The following HIVEP3 variants were observed in gnomAD, a reference collection of about 807,000 sequenced individuals.
HIVEP3 encodes transcription factor HIVEP3.
A neutral mutation model predicts 152.8 loss-of-function variants in HIVEP3; 49 were observed. That is an observed-to-expected ratio of 0.32 (90% confidence interval 0.26 to 0.41). The LOEUF (loss-of-function observed/expected upper bound fraction) is 0.41, where lower values mean the gene tolerates loss of function less well. Among genes scored for constraint, HIVEP3 ranks in the 10% least tolerant of loss-of-function variants. The probability of loss-of-function intolerance (pLI) is 1.00; values close to 1 mark genes in which losing one functional copy is unlikely to be tolerated. For synonymous variants in HIVEP3, 1,269 were observed against 1,289.0 expected (o/e 0.98, Z 0.33); for missense variants, 2,790 against 3,103.3 (o/e 0.90, Z 2.40).
rs1197815169 is a variant in HIVEP3, at chr1:41,981,410, C to T, written n.119+54397G>A. On this transcript the variant is annotated intron_variant and non_coding_transcript_variant, in intron 1 of 3. Coordinates refer to the HIVEP3 transcript ENST00000489103. ...TTTATAGGGTCACATTTGGAGGAGC[C>T]GGCTCCGTCGGGGGCAGGAGGGAGG... Among the ~76,000 whole-genome samples, 5 of 152,124 alleles carry T rather than the reference C, an allele frequency of 3.3e-5. No individual in the cohort carries two copies. In the East Asian group the frequency reaches 5.8e-4, roughly 18 times the overall value.
rs553674968 is a variant in HIVEP3, at chr1:41,889,405, G to A, written c.-801+29008C>T. Among the ~76,000 whole-genome samples the A allele has an allele frequency of 6.6e-5, 10 of 152,170 alleles. No homozygotes were observed. The South Asian group carries it at 1.5e-3, about 22-fold the overall frequency. On this transcript the variant is annotated intron_variant, in intron 1 of 8. Transcript: ENST00000372583. Reference sequence around the variant, plus strand: ...CATCATCCACCTTCTCAATGTCCCCGACACTGCCACCTCATTACCCAAAAG... The same window carrying A: ...CATCATCCACCTTCTCAATGTCCCCAACACTGCCACCTCATTACCCAAAAG...
chr1:41,575,767 T>C lies in HIVEP3; in HGVS notation c.5062-78A>G, dbSNP rs1460910039. The C allele has an allele frequency of 2.9e-5, 43 of 1,487,596 alleles. 1 individual carries two copies. In the Middle Eastern group the frequency reaches 8.6e-4, roughly 30 times the overall value. The allele number at this position is 1,487,596 out of a possible 1,614,324, so 92.1% of individuals were successfully genotyped here. A position where few individuals can be genotyped will look rare whatever the true frequency, so the allele number is the denominator to read the frequency against. On this transcript the variant is annotated intron_variant, in intron 4 of 8. Coordinates refer to ENST00000372583, the MANE Select transcript of HIVEP3 (RefSeq NM_024503.5). ...GTCACGAATGCAATGCTAATAATCA[T>C]GCCTTACACAGTACTGCACAAGTAC...
chr1:41,738,931 AAT>A (rs1646956775), intron 1 of HIVEP3, among the ~76,000 whole-genome samples: 1 of 152,222 alleles, frequency 6.6e-6, no homozygotes, highest in Non-Finnish European at 1.5e-5. Context: ...CTCCGTTGGT[AAT>A]GAACCATGGC....
At chr1:41,836,491 G>A (rs1460720387) in intron 1 of HIVEP3, among the ~76,000 whole-genome samples, 4 of 152,184 alleles carry the variant, frequency 2.6e-5, no homozygotes, top group Non-Finnish European at 2.9e-5. Context: ...GTTTCAGAAC[G>A]TCCTCATCTC....
At chr1:41,969,564 G>A (rs530462346) in intron 1 of HIVEP3, among the ~76,000 whole-genome samples, 3 of 152,076 alleles carry the variant, frequency 2.0e-5, no homozygotes, top group South Asian at 4.2e-4. Context: ...AGCTCAAGAC[G>A]AATTAAACGC....
intron 1 of HIVEP3, among the ~76,000 whole-genome samples, chr1:41,802,012 C>T (rs1303090740): frequency 6.6e-6 from 1 of 152,156 alleles, no homozygotes; most frequent in African/African-American, 2.4e-5. Context: ...GGGAGAGAAG[C>T]AAGGTGTCCA....
chr1:41,597,293 A>C (rs1644681243), intron 3 of HIVEP3, among the ~76,000 whole-genome samples: 1 of 152,134 alleles, frequency 6.6e-6, no homozygotes, highest in African/African-American at 2.4e-5. Flanking sequence ...TAGAAAGCAA[A>C]AACACATTTC....
Position 41,583,401 on chromosome 1 carries a change from G to A in HIVEP3, c.1397C>T (p.Thr466Met), listed in dbSNP as rs575926783. The A allele has an allele frequency of 7.4e-6, 12 of 1,613,770 alleles. No individual in the cohort carries two copies. The highest frequency in any genetic ancestry group is 3.3e-5 in the Admixed American group (2 of 59,984). ...GGCCTCGTTGATGGTGATGAGCTTC[G>A]TGATGTGCTCGATCACCTGCGTCCG... ...VPRTQVIEHI[T>M]KLITINEAVV... The change falls in exon 4 of 9, where the codon ACG becomes ATG. Residue 466 changes from threonine to methionine, a missense_variant. Coordinates refer to ENST00000372583, the MANE Select transcript of HIVEP3 (RefSeq NM_024503.5). The surrounding 1 kb of genome is among the most constrained non-coding windows in gnomAD (Gnocchi z 6.9).
intron 1 of HIVEP3, among the ~76,000 whole-genome samples, chr1:41,816,606 G>A (rs1570598227): frequency 6.6e-6 from 1 of 152,294 alleles, no homozygotes; most frequent in Non-Finnish European, 1.5e-5. Context: ...TTGAACCCAG[G>A]AGGCAGGAGT....
chr1:42,000,807 C>G (rs1645422786), intron 1 of HIVEP3, among the ~76,000 whole-genome samples: 1 of 152,190 alleles, frequency 6.6e-6, no homozygotes. Flanking sequence ...AGCAGAGCAA[C>G]CAATCGCTCC....
intron 1 of HIVEP3, among the ~76,000 whole-genome samples, chr1:41,985,390 G>A (rs1296823373): frequency 6.6e-6 from 1 of 152,196 alleles, no homozygotes; most frequent in Non-Finnish European, 1.5e-5. Context: ...GAGTTGTGGA[G>A]GCTGGAAGTC....
intron 1 of HIVEP3, among the ~76,000 whole-genome samples, chr1:41,839,391 G>A (rs1466115472): frequency 6.6e-6 from 1 of 152,184 alleles, no homozygotes; most frequent in East Asian, 1.9e-4. Flanking sequence ...AAGACCTGCA[G>A]TCCTAAGTTC....
chr1:41,742,774 T>A (rs2124208625), intron 1 of HIVEP3, among the ~76,000 whole-genome samples: 1 of 152,330 alleles, frequency 6.6e-6, no homozygotes, highest in African/African-American at 2.4e-5. Context: ...TGTCGCATCA[T>A]CTTGATCCAT....
intron 2 of HIVEP3, among the ~76,000 whole-genome samples, chr1:41,685,532 G>A (rs2124098332): frequency 6.6e-6 from 1 of 152,214 alleles, no homozygotes; most frequent in South Asian, 2.1e-4. Context: ...TGGGCTCCTG[G>A]GAGCTCACCA....
chr1:41,755,978 T>C (rs1647291316), intron 1 of HIVEP3, among the ~76,000 whole-genome samples: 1 of 152,256 alleles, frequency 6.6e-6, no homozygotes, highest in Admixed American at 6.5e-5. Flanking sequence ...GTAATACTCC[T>C]GGGCATTTAT....
intron 1 of HIVEP3, among the ~76,000 whole-genome samples, chr1:41,927,824 G>C (rs1644975610): frequency 6.6e-6 from 1 of 152,128 alleles, no homozygotes; most frequent in East Asian, 1.9e-4. Flanking sequence ...CACTTTGGGA[G>C]GCAGAGGTGG....
chr1:41,919,115 C>T (rs1452973706), upstream of HIVEP3, among the ~76,000 whole-genome samples: 1 of 151,174 alleles, frequency 6.6e-6, no homozygotes, highest in African/African-American at 2.5e-5. Flanking sequence ...CATATATATG[C>T]ACATATATAT....
intron 2 of HIVEP3, among the ~76,000 whole-genome samples, chr1:41,634,990 A>G (rs1254170575): frequency 1.3e-5 from 2 of 152,220 alleles, no homozygotes; most frequent in Admixed American, 6.5e-5. Context: ...GTTTAACTTC[A>G]TATACATTCA....
chr1:41,550,662 T>A (rs1643884946), intron 5 of HIVEP3, among the ~76,000 whole-genome samples: 1 of 152,212 alleles, frequency 6.6e-6, no homozygotes, highest in Non-Finnish European at 1.5e-5. Context: ...TCACTCATGA[T>A]TTGGCTCTCT....
Sources: allele counts gnomAD v4.1 joint callset (sites outside exome capture counted in the v4.1 genomes callset), GRCh38; gene constraint gnomAD v4.1.1; non-coding constraint Gnocchi (gnomAD v3.1); transcripts MANE v1.5; gene names NCBI Gene and HGNC (gene_info 2026-07-23, HGNC 2026-07-21).